REDIC1: variants seen among roughly 807,000 people sequenced by gnomAD.
REDIC1 encodes the protein regulator of DNA class I crossover intermediates 1.
chr12:39,729,988 T>A, the REDIC1 span, among the ~76,000 whole-genome samples: 1 of 152,062 alleles, frequency 6.6e-6, no homozygotes, highest in Non-Finnish European at 1.5e-5. Flanking sequence ...CAGCCCCTGC[T>A]TTTTTTGCTT....
chr12:39,861,152 A>T, the REDIC1 span, among the ~76,000 whole-genome samples: 77 of 152,286 alleles, frequency 5.1e-4, no homozygotes, highest in African/African-American at 1.8e-3. Context: ...TTCTTTTAAG[A>T]GCTCAGTACA....
chr12:39,869,162 A>C, the REDIC1 span, among the ~76,000 whole-genome samples: 1 of 152,230 alleles, frequency 6.6e-6, no homozygotes, highest in Non-Finnish European at 1.5e-5. Context: ...CTGAAATAAA[A>C]ATACAACTAA....
the REDIC1 span, among the ~76,000 whole-genome samples, chr12:39,739,619 A>G: frequency 6.6e-6 from 1 of 152,214 alleles, no homozygotes; most frequent in African/African-American, 2.4e-5. Context: ...TTCAAATATT[A>G]TAAGTCACTA....
the REDIC1 span, among the ~76,000 whole-genome samples, chr12:39,696,639 T>G: frequency 6.9e-6 from 1 of 145,330 alleles, no homozygotes; most frequent in African/African-American, 2.5e-5. Flanking sequence ...AGACACAGTA[T>G]TCAAAATAGC....
At chr12:39,668,285 T>A in the REDIC1 span, among the ~76,000 whole-genome samples, 455 of 152,306 alleles carry the variant, frequency 3.0e-3, 4 homozygotes, top group East Asian at 0.023. Context: ...CTCTCAGCAT[T>A]TGCTTGTCTG....
chr12:39,650,152 A>G, the REDIC1 span: 7 of 1,278,142 alleles, frequency 5.5e-6, no homozygotes, highest in Non-Finnish European at 7.1e-6. The surrounding 1 kb of genome is among the most constrained non-coding windows in gnomAD (Gnocchi z 4.3). Context: ...AATGTAGTTC[A>G]TTTACATGAC....
chr12:39,657,138 A>C, the REDIC1 span, among the ~76,000 whole-genome samples: 4 of 152,198 alleles, frequency 2.6e-5, no homozygotes, highest in African/African-American at 9.6e-5. Context: ...AGCTCCATTC[A>C]TGCTACGTGT....
At chr12:39,717,260 G>A in the REDIC1 span, among the ~76,000 whole-genome samples, 7 of 151,488 alleles carry the variant, frequency 4.6e-5, no homozygotes, top group Non-Finnish European at 5.9e-5. Context: ...GTTTGACTCC[G>A]CCAAACTTAA....
At chr12:39,701,390 T>C in the REDIC1 span, among the ~76,000 whole-genome samples, 1 of 152,110 alleles carries the variant, frequency 6.6e-6, no homozygotes, top group Non-Finnish European at 1.5e-5. Context: ...GAGCTAACTA[T>C]CCTAAATATA....
At chr12:39,810,352 AT>A in the REDIC1 span, among the ~76,000 whole-genome samples, 24 of 152,210 alleles carry the variant, frequency 1.6e-4, no homozygotes, top group African/African-American at 5.5e-4. Context: ...GAAATAAAAT[AT>A]ATTTTTCTAC....
At chr12:39,686,486 A>G in the REDIC1 span, among the ~76,000 whole-genome samples, 1 of 152,188 alleles carries the variant, frequency 6.6e-6, no homozygotes, top group African/African-American at 2.4e-5. Flanking sequence ...AGTGACTGGG[A>G]TACAGGGAGC....
chr12:39,851,671 T>TAGA, the REDIC1 span, among the ~76,000 whole-genome samples: 1 of 152,136 alleles, frequency 6.6e-6, no homozygotes, highest in Non-Finnish European at 1.5e-5. Context: ...CCAATTATGC[T>TAGA]AGATACATCA....
At chr12:39,664,734 T>C in the REDIC1 span, among the ~76,000 whole-genome samples, 1 of 152,172 alleles carries the variant, frequency 6.6e-6, no homozygotes, top group South Asian at 2.1e-4. Context: ...CTCTCCAGCA[T>C]CTGTTGTTTC....
At chr12:39,681,861 T>A in the REDIC1 span, among the ~76,000 whole-genome samples, 1 of 152,108 alleles carries the variant, frequency 6.6e-6, no homozygotes, top group Non-Finnish European at 1.5e-5. Flanking sequence ...TTTTTCCTAA[T>A]TTTTTTGATA....
the REDIC1 span, among the ~76,000 whole-genome samples, chr12:39,882,027 C>G: frequency 6.6e-6 from 1 of 152,164 alleles, no homozygotes; most frequent in African/African-American, 2.4e-5. Context: ...ACAGCCTACT[C>G]TCAAGGCTCA....
the REDIC1 span, among the ~76,000 whole-genome samples, chr12:39,636,990 T>A: frequency 6.6e-6 from 1 of 152,002 alleles, no homozygotes; most frequent in East Asian, 1.9e-4. Context: ...CTAGAAGTAA[T>A]AGCAAGGAGC....
At chr12:39,899,812 G>C in the REDIC1 span, among the ~76,000 whole-genome samples, 3 of 152,050 alleles carry the variant, frequency 2.0e-5, no homozygotes, top group African/African-American at 7.2e-5. Flanking sequence ...TCTTAATCCT[G>C]AGCTCTAGTT....
At chr12:39,706,409 A>C in the REDIC1 span, among the ~76,000 whole-genome samples, 19 of 152,068 alleles carry the variant, frequency 1.2e-4, no homozygotes, top group Admixed American at 3.9e-4. Flanking sequence ...CAATGCAATC[A>C]CTATCAAAAT....
At chr12:39,734,544 A>G in the REDIC1 span, among the ~76,000 whole-genome samples, 1 of 152,186 alleles carries the variant, frequency 6.6e-6, no homozygotes, top group Non-Finnish European at 1.5e-5. Context: ...TCATTTTCAG[A>G]AAATTTTTGT....
Sources: gnomAD v4.1 joint callset for allele counts (sites outside exome capture counted in the v4.1 genomes callset) on GRCh38, gnomAD v4.1.1 for gene constraint, Gnocchi (gnomAD v3.1) non-coding constraint, MANE v1.5 for transcripts, NCBI Gene and HGNC (gene_info 2026-07-23, HGNC 2026-07-21) for gene names.